Variants in SLC39A11 observed in about 807,000 individuals in gnomAD.
The protein encoded by SLC39A11 is zinc transporter ZIP11.
Under a neutral mutation model 36.1 loss-of-function variants are expected in SLC39A11, and 33 were observed. The ratio of observed to expected loss-of-function variants is 0.91; its 90% CI spans 0.69 to 1.22. The LOEUF (loss-of-function observed/expected upper bound fraction) is 1.22, where lower values mean the gene tolerates loss of function less well. SLC39A11 is among the 50% of genes most tolerant of loss of function. The pLI, the probability that SLC39A11 is intolerant of heterozygous loss-of-function variation, is 0.00. For synonymous variants in SLC39A11, 166 were observed against 170.3 expected (o/e 0.97, Z 0.20); for missense variants, 432 against 430.3 (o/e 1.00, Z -0.03).
intron 7 of SLC39A11, among the ~76,000 whole-genome samples, chr17:72,657,177 C>T (rs139263463): frequency 0.01 from 1,570 of 152,000 alleles, 15 homozygotes; most frequent in Middle Eastern, 0.017. Flanking sequence ...CTGGTCAACA[C>T]GGTGAAACTC....
chr17:72,990,924 TG>T (rs2089131786), intron 4 of SLC39A11, among the ~76,000 whole-genome samples: 1 of 152,252 alleles, frequency 6.6e-6, no homozygotes, highest in Non-Finnish European at 1.5e-5. Context: ...CAAAGTCTGC[TG>T]ATCTACTGTC....
Position 72,722,435 on chromosome 17 carries a change from T to C in SLC39A11, c.671+14215A>G, listed in dbSNP as rs183834586. Among the ~76,000 whole-genome samples, 28 of 152,176 alleles carry C rather than the reference T, an allele frequency of 1.8e-4. No individual in the cohort carries two copies. The East Asian group carries it at 5.4e-3, about 29-fold the overall frequency. Reference sequence around the variant, plus strand: ...AATGGAGTTCAAACGGATTAGTTTGTATCAAGAGCATAATGACAAACCAGG... The same window carrying C: ...AATGGAGTTCAAACGGATTAGTTTGCATCAAGAGCATAATGACAAACCAGG... On this transcript the variant is annotated intron_variant, in intron 7 of 9. Coordinates refer to ENST00000255559, the MANE Select transcript of SLC39A11 (RefSeq NM_139177.4).
At chr17:72,834,237 C>T (rs1288800985) in intron 6 of SLC39A11, among the ~76,000 whole-genome samples, 1 of 152,154 alleles carries the variant, frequency 6.6e-6, no homozygotes, top group Non-Finnish European at 1.5e-5. Context: ...TGCTAAGGAG[C>T]TAAAGTTTGC....
chr17:72,697,849 A>G (rs1033607496), intron 7 of SLC39A11, among the ~76,000 whole-genome samples: 1 of 151,958 alleles, frequency 6.6e-6, no homozygotes, highest in African/African-American at 2.4e-5. Flanking sequence ...GAGATACCAC[A>G]CAATACTCCT....
intron 6 of SLC39A11, among the ~76,000 whole-genome samples, chr17:72,786,972 GCCACGCCCAGC>G (rs2076538163): frequency 6.6e-6 from 1 of 151,498 alleles, no homozygotes. Context: ...GGCACCCGCT[GCCACGCCCAGC>G]TAATTTTTGT....
chr17:72,838,555 A>C (rs1044130878), intron 6 of SLC39A11, among the ~76,000 whole-genome samples: 1 of 152,146 alleles, frequency 6.6e-6, no homozygotes, highest in African/African-American at 2.4e-5. Context: ...TAAAAGGGTG[A>C]ATTTTATGGT....
chr17:72,752,392 G>A (rs941778620), intron 6 of SLC39A11, among the ~76,000 whole-genome samples: 8 of 151,926 alleles, frequency 5.3e-5, no homozygotes, highest in Admixed American at 6.6e-5. Flanking sequence ...TTACAGGCAC[G>A]CACCACCACG....
intron 3 of SLC39A11, among the ~76,000 whole-genome samples, chr17:73,042,540 C>T (rs924833660): frequency 2.6e-5 from 4 of 152,198 alleles, no homozygotes; most frequent in African/African-American, 9.7e-5. Flanking sequence ...GTAGCTCACG[C>T]CTGTAATCCC....
intron 7 of SLC39A11, among the ~76,000 whole-genome samples, chr17:72,707,180 G>C (rs1264879295): frequency 6.6e-6 from 1 of 152,160 alleles, no homozygotes; most frequent in East Asian, 1.9e-4. Flanking sequence ...CAGGAGGACT[G>C]CTTGAGCCCT....
intron 4 of SLC39A11, among the ~76,000 whole-genome samples, chr17:73,018,506 C>CA (rs1347398063): frequency 6.6e-6 from 1 of 151,946 alleles, no homozygotes; most frequent in African/African-American, 2.4e-5. Flanking sequence ...CAAGATCACA[C>CA]CATTGCACTC....
chr17:72,887,464 T>C (rs993604258), intron 5 of SLC39A11, among the ~76,000 whole-genome samples: 2 of 152,234 alleles, frequency 1.3e-5, no homozygotes, highest in African/African-American at 4.8e-5. Context: ...ATCTTTCTTG[T>C]GCCTGTGTAT....
chr17:72,755,097 C>G (rs946165860), intron 6 of SLC39A11, among the ~76,000 whole-genome samples: 7 of 152,154 alleles, frequency 4.6e-5, no homozygotes, highest in African/African-American at 1.7e-4. Flanking sequence ...TTAGGAATGT[C>G]AAGCTCAGTG....
rs71154945 is a variant in SLC39A11, at chr17:73,020,680, C to CTTTTTT, written c.306+10870_306+10875dup. Among the ~76,000 whole-genome samples, 240 of 98,862 alleles carry CTTTTTT rather than the reference C, an allele frequency of 2.4e-3. 9 individuals carry two copies. The highest frequency in any genetic ancestry group is 2.7e-3 in the Non-Finnish European group (144 of 53,976). 64.9% of individuals were successfully genotyped at this position (98,862 alleles called of 152,430 possible). A position where few individuals can be genotyped will look rare whatever the true frequency, so the allele number is the denominator to read the frequency against. Reference sequence around the variant, plus strand: ...TTTTGGGGGGTCTTTTTGTTTCTTTCTTTTTTTTTTTTTTTTTTTTTGAGA... The same window carrying CTTTTTT: ...TTTTGGGGGGTCTTTTTGTTTCTTTCTTTTTTTTTTTTTTTTTTTTTTTTTTTGAGA... On this transcript the variant is annotated intron_variant, in intron 4 of 9. Transcript: ENST00000255559.
At chr17:72,977,165 G>A (rs1159603106) in intron 4 of SLC39A11, among the ~76,000 whole-genome samples, 2 of 152,190 alleles carry the variant, frequency 1.3e-5, no homozygotes, top group Admixed American at 1.3e-4. Context: ...GTGAGAAAGT[G>A]CCTGAGCCAT....
In SLC39A11 at chr17:72,673,556, GT is replaced by G. The variant is rs889704517; in HGVS notation, c.672-24289del. ...CCATCCAGAGAACAATGTTTGCACA[GT>G]TTTTTTTTTCTTTTTGCCTTTAGCC... On this transcript the variant is annotated intron_variant, in intron 7 of 9. Coordinates refer to ENST00000255559, the MANE Select transcript of SLC39A11 (RefSeq NM_139177.4). 1.8e-3 allele frequency among the ~76,000 whole-genome samples: 266 copies of G among 150,022 alleles called. 3 individuals are homozygous for G. Among genetic ancestry groups the G allele is most frequent in the Admixed American group, 8.5e-3 (128 of 15,038 alleles).
chr17:72,983,051 T>C (rs2088447999), intron 4 of SLC39A11, among the ~76,000 whole-genome samples: 1 of 152,168 alleles, frequency 6.6e-6, no homozygotes, highest in Admixed American at 6.5e-5. Flanking sequence ...ACAATCAAAA[T>C]GCCCCTCAAC....
intron 5 of SLC39A11, among the ~76,000 whole-genome samples, chr17:72,877,246 GC>G (rs1567868561): frequency 6.6e-6 from 1 of 152,182 alleles, no homozygotes. Context: ...GCCAGAAAAG[GC>G]TTTGTGATCA....
At chr17:72,731,613 AG>A (rs2074218740) in intron 7 of SLC39A11, among the ~76,000 whole-genome samples, 1 of 152,072 alleles carries the variant, frequency 6.6e-6, no homozygotes, top group Admixed American at 6.5e-5. Context: ...TAGTAGAGAG[AG>A]TTCCTGTGTA....
intron 6 of SLC39A11, among the ~76,000 whole-genome samples, chr17:72,793,102 C>A (rs1354281529): frequency 1.3e-5 from 2 of 152,244 alleles, no homozygotes; most frequent in East Asian, 3.9e-4. Flanking sequence ...TCAACAGAGG[C>A]CTGTAAGTCA....
Sources: gnomAD v4.1 joint callset for allele counts (sites outside exome capture counted in the v4.1 genomes callset) on GRCh38, gnomAD v4.1.1 for gene constraint, MANE v1.5 for transcripts, NCBI Gene and HGNC (gene_info 2026-07-23, HGNC 2026-07-21) for gene names.